Variants in SEMA6C observed in about 807,000 individuals in gnomAD.
SEMA6C encodes semaphorin-6C.
SEMA6C carries 37 observed loss-of-function variants against 72.9 expected under a neutral mutation model. The ratio of observed to expected loss-of-function variants is 0.51; its 90% confidence interval spans 0.39 to 0.67. The LOEUF is 0.67. Among genes scored for constraint, SEMA6C ranks in the 30% least tolerant of loss-of-function variants. The pLI is 0.00. For synonymous variants in SEMA6C, 578 were observed against 554.1 expected, an observed-to-expected ratio of 1.04 and a Z score of -0.61; for missense variants, 1,189 against 1,263.6, an observed-to-expected ratio of 0.94 and a Z score of 0.89.
At position 151,132,864 on chromosome 1, in the gene SEMA6C, C is replaced by A; in HGVS notation, c.2413G>T (p.Gly805Cys). Residue 805 changes from glycine (G) to cysteine (C), a missense_variant, in exon 19 of 19, where the codon GGC (glycine) becomes TGC (cysteine). Gly to Cys is a radical substitution (Grantham distance 159, BLOSUM62 -3). This residue lies in a region of SEMA6C where 721 missense variants were observed against 686.2 expected (regional missense o/e 1.05). Coordinates refer to ENST00000368914, the MANE Select transcript of SEMA6C (RefSeq NM_030913.6). ...TCGTGGGGCCTGGGGCTGGGGCCGCCCAAGAGGGCGGGGGCGGGCTCCGGC... is the reference window on the plus strand; with the variant it reads ...TCGTGGGGCCTGGGGCTGGGGCCGCACAAGAGGGCGGGGGCGGGCTCCGGC... ...LPPEPAPALL[G>C]GPSPRPHECA... 1 of 1,285,174 alleles carries A rather than the reference C, an allele frequency of 7.8e-7. No individual in the cohort carries two copies. Among genetic ancestry groups the A allele is most frequent in the South Asian group, 2.0e-5 (1 of 51,004 alleles). The allele number at this position is 1,285,174 out of a possible 1,614,324, so 79.6% of individuals were successfully genotyped here.
chr1:151,136,526 A>G lies in SEMA6C; in HGVS notation c.1028T>C (p.Phe343Ser). The change falls in exon 12 of 19, where the codon TTT (phenylalanine) becomes TCT (serine). Residue 343 changes from phenylalanine to serine, a missense_variant. This residue lies in a region of SEMA6C where 468 missense variants were observed against 577.4 expected (regional missense o/e 0.81). Transcript: ENST00000368914. The stretch of plus-strand genomic sequence containing the variant: ...CCTCTGCTCCTTGAACTTGCCCTCA[A>G]ACCCACGCTCAATCTCATCCAGGTA... ...AFYLDEIERG[F>S]EGKFKEQRSL... is the part of the protein sequence containing the mutation. 1 of 1,614,092 alleles carries G rather than the reference A, an allele frequency of 6.2e-7. No individual in the cohort carries two copies. Among genetic ancestry groups the G allele is most frequent in the Non-Finnish European group, 8.5e-7 (1 of 1,180,010 alleles).
Position 151,132,274 on chromosome 1 carries a change from C to T in SEMA6C, c.*210G>A, listed in dbSNP as rs1681594701. The T allele has an allele frequency of 6.5e-7, 1 of 1,530,072 alleles. No homozygotes were observed. The highest frequency in any genetic ancestry group is 8.7e-7 in the Non-Finnish European group (1 of 1,143,260). The allele number at this position is 1,530,072 out of a possible 1,614,324, so 94.8% of individuals were successfully genotyped here. Reference sequence around the variant, plus strand: ...CTGAAATGCTGGCTCACTGAGGAGACGGGCTTCTCACCTCCCACTCTTCTG... The same window carrying T: ...CTGAAATGCTGGCTCACTGAGGAGATGGGCTTCTCACCTCCCACTCTTCTG... On this transcript the variant is annotated 3_prime_UTR_variant, in exon 19 of 19. Transcript: ENST00000368914.
Position 151,133,585 on chromosome 1 carries a change from G to A in SEMA6C, c.1760-68C>T. 1 of 1,439,072 alleles carries A rather than the reference G, an allele frequency of 6.9e-7. No individual in the cohort carries two copies. Among genetic ancestry groups the A allele is most frequent in the Non-Finnish European group, 9.1e-7 (1 of 1,101,112 alleles). The allele number at this position is 1,439,072 out of a possible 1,614,324, so 89.1% of individuals were successfully genotyped here. A position where few individuals can be genotyped will look rare whatever the true frequency, so the allele number is the denominator to read the frequency against. ...CGGTGCGGGGTACCTAGGCCCAGAG[G>A]CGCCGGCAGTTCCCAGGCCTGACAT... On this transcript the variant is annotated intron_variant, in intron 18 of 18. Transcript: ENST00000368914. This position sits in a 1 kb window ranked among gnomAD's most constrained non-coding sequence, Gnocchi z 5.9.
chr1:151,133,950 G>A lies in SEMA6C; in HGVS notation c.1760-433C>T. The A allele has an allele frequency of 6.6e-7, 1 of 1,504,972 alleles. No individual in the cohort carries two copies. The highest frequency in any genetic ancestry group is 8.9e-7 in the Non-Finnish European group (1 of 1,118,186). 93.2% of individuals were successfully genotyped at this position (1,504,972 alleles called of 1,614,324 possible). A position where few individuals can be genotyped will look rare whatever the true frequency, so the allele number is the denominator to read the frequency against. On this transcript the variant is annotated intron_variant, in intron 18 of 18. Coordinates refer to ENST00000368914, the MANE Select transcript of SEMA6C (RefSeq NM_030913.6). The surrounding 1 kb of genome is among the most constrained non-coding windows in gnomAD (Gnocchi z 5.9). ...ACTTCACTCCTATCTCTCCCAAGTA[G>A]CCCCCTTACCCCGAGTGTGAACTCC...
chr1:151,140,254 A>G (rs115538422), intron 3 of SEMA6C, among the ~76,000 whole-genome samples, 164 bp from the exon 4 acceptor site: 1,796 of 152,296 alleles, frequency 0.012, 13 homozygotes, highest in Non-Finnish European at 0.018. Context: ...TCTGCCAAAC[A>G]CAGTGTTAGC....
rs12088941 is a variant in SEMA6C, at chr1:151,146,204, T to C, written c.-105+229A>G. On this transcript the variant is annotated intron_variant, in intron 1 of 18. Coordinates refer to ENST00000368914, the MANE Select transcript of SEMA6C (RefSeq NM_030913.6). The surrounding 1 kb of genome is among the most constrained non-coding windows in gnomAD (Gnocchi z 4.6). Reference sequence around the variant, plus strand: ...GGGATGCGACTCGACGAAAGCCCAATTGAACGAGGTGCCCAGACTCTGCTC... The same window carrying C: ...GGGATGCGACTCGACGAAAGCCCAACTGAACGAGGTGCCCAGACTCTGCTC... The C allele has an allele frequency of 0.088, 13,361 of 152,318 alleles. 696 individuals are homozygous for C. The highest frequency in any genetic ancestry group is 0.15 in the African/African-American group (6,225 of 41,526). 9.4% of individuals were successfully genotyped at this position (152,318 alleles called of 1,614,324 possible). A position where few individuals can be genotyped will look rare whatever the true frequency, so the allele number is the denominator to read the frequency against.
Position 151,133,411 on chromosome 1 carries a change from G to A in SEMA6C, c.1866C>T (p.Gly622=). 2 of 1,594,838 alleles carry A rather than the reference G, an allele frequency of 1.3e-6. No individual in the cohort carries two copies. Among genetic ancestry groups the A allele is most frequent in the South Asian group, 2.2e-5 (2 of 89,516 alleles). Residue 622 remains glycine, a synonymous_variant, in exon 19 of 19, where the codon GGC becomes GGT. Transcript: ENST00000368914. This position sits in a 1 kb window ranked among gnomAD's most constrained non-coding sequence, Gnocchi z 5.9. ...GGCGACAAGCACAGGAGACCAGGAG[G>A]CCAGAGACTGAGGCGCCCAGGGCAA... ...AAFALGASVS[G]LLVSCACRRA...
chr1:151,139,563 C>A, intron 5 of SEMA6C, 75 bp downstream of exon 5: 1 of 1,604,190 alleles, frequency 6.2e-7, no homozygotes, highest in Non-Finnish European at 8.5e-7. Context: ...ATTCTTCTTC[C>A]CACCCACCTG....
rs1168085168 is a variant in SEMA6C, at chr1:151,134,022, G to A, written c.1759+379C>T. The A allele has an allele frequency of 5.2e-6, 8 of 1,535,380 alleles. No homozygotes were observed. In the East Asian group the frequency reaches 2.0e-4, roughly 38 times the overall value. ...GGGGTGGGCATCACTGGGAGGACTG[G>A]GGGTCCCAGGGGAAGGGCCAGGACC... On this transcript the variant is annotated intron_variant, in intron 18 of 18. Coordinates refer to ENST00000368914, the MANE Select transcript of SEMA6C (RefSeq NM_030913.6).
intron 4 of SEMA6C, 106 bp from the exon 5 acceptor site, chr1:151,139,807 C>T (rs1682380076): frequency 3.1e-6 from 4 of 1,282,330 alleles, no homozygotes; most frequent in Admixed American, 2.1e-5. Flanking sequence ...CCCTCCCCTT[C>T]CCCCTTCCTC....
chr1:151,140,915 G>C (rs907064612), intron 3 of SEMA6C, among the ~76,000 whole-genome samples: 7 of 151,582 alleles, frequency 4.6e-5, no homozygotes, highest in Non-Finnish European at 8.8e-5. Flanking sequence ...GGAGAATGGC[G>C]TGAACCCAGG....
intron 6 of SEMA6C, 31 bp downstream of exon 6, chr1:151,139,394 C>G (rs1682335423): frequency 6.3e-7 from 1 of 1,590,698 alleles, no homozygotes; most frequent in African/African-American, 1.3e-5. Flanking sequence ...TAATCCTCTC[C>G]TTCCCTCCAC....
rs1330213417 is a variant in SEMA6C at position 151,135,192 on chromosome 1, G to A, written c.1551C>T (p.Ser517=). The A allele has an allele frequency of 2.5e-6, 4 of 1,614,108 alleles. No homozygotes were observed. The highest frequency in any genetic ancestry group is 3.4e-6 in the Non-Finnish European group (4 of 1,179,968). ...FSGCIVYLPL[S]RCARHGACQR... ...GACAGGCCCCATGCCGGGCACACCG[G>A]CTGAGAGGGAGGTAGACAATACAGC... is the stretch of plus-strand genomic sequence containing the variant. The change falls in exon 15 of 19, where the codon AGC becomes AGT. Residue 517 remains serine (S), a synonymous_variant. Coordinates refer to ENST00000368914, the MANE Select transcript of SEMA6C (RefSeq NM_030913.6).
At chr1:151,134,128 C>T in intron 18 of SEMA6C, 4 of 1,150,128 alleles carry the variant, frequency 3.5e-6, no homozygotes, top group Non-Finnish European at 4.9e-6. Flanking sequence ...AGGGGTCCTT[C>T]CTCCCTCCTG....
chr1:151,134,836 A>G lies in SEMA6C; in HGVS notation c.1620T>C (p.His540=), dbSNP rs771737762. 1 of 1,614,176 alleles carries G rather than the reference A, an allele frequency of 6.2e-7. No homozygotes were observed. Among genetic ancestry groups the G allele is most frequent in the South Asian group, 1.1e-5 (1 of 91,084 alleles). ...LASQDPYCGW[H]SSRGCVDIRG... ...TGATATCCACACAGCCCCTGGAGCTATGCCATCCACAGTATGGGTCCTGAG... is the reference window on the plus strand; with the variant it reads ...TGATATCCACACAGCCCCTGGAGCTGTGCCATCCACAGTATGGGTCCTGAG... Residue 540 remains histidine (H), a synonymous_variant, in exon 16 of 19, where the codon CAT becomes CAC. Coordinates refer to ENST00000368914, the MANE Select transcript of SEMA6C (RefSeq NM_030913.6).
At chr1:151,135,048 A>T in intron 15 of SEMA6C, 115 bp downstream of exon 15, 1 of 1,473,090 alleles carries the variant, frequency 6.8e-7, no homozygotes, top group Non-Finnish European at 9.3e-7. Context: ...TGAGGTACCT[A>T]GGCACCCCAC....
chr1:151,144,817 T>C (rs1314485571), intron 1 of SEMA6C, among the ~76,000 whole-genome samples: 4 of 152,132 alleles, frequency 2.6e-5, no homozygotes, highest in Non-Finnish European at 4.4e-5. Flanking sequence ...TTGCATCTCA[T>C]TTACATGCTC....
intron 6 of SEMA6C, 25 bp downstream of exon 6, chr1:151,139,400 T>C: frequency 6.2e-7 from 1 of 1,601,396 alleles, no homozygotes; most frequent in South Asian, 1.1e-5. Context: ...TCTCCTTCCC[T>C]CCACATTCTC....
intron 18 of SEMA6C, chr1:151,134,014 G>A (rs1388017732): frequency 1.9e-6 from 3 of 1,539,860 alleles, no homozygotes; most frequent in South Asian, 2.4e-5. Flanking sequence ...GCATCACTGG[G>A]AGGACTGGGG....
Sources: allele counts gnomAD v4.1 joint callset (sites outside exome capture counted in the v4.1 genomes callset), GRCh38; gene constraint gnomAD v4.1.1; regional missense constraint gnomAD v4.1.1; non-coding constraint Gnocchi (gnomAD v3.1); transcripts MANE v1.5; gene names NCBI Gene and HGNC (gene_info 2026-07-23, HGNC 2026-07-21).